CCDC201: variants seen among roughly 807,000 people sequenced by gnomAD.
CCDC201 encodes the protein coiled-coil domain-containing protein 201.
the CCDC201 span, among the ~76,000 whole-genome samples, chr7:45,878,658 C>T: frequency 2.6e-5 from 4 of 152,270 alleles, no homozygotes; most frequent in African/African-American, 4.8e-5. Context: ...GCAGCAGGGC[C>T]CTCAGCCTGG....
chr7:45,864,758 G>A (rs1352665813), intron 2 of CCDC201, among the ~76,000 whole-genome samples: 3 of 152,120 alleles, frequency 2.0e-5, no homozygotes, highest in South Asian at 2.1e-4. Flanking sequence ...CAGTAACCTC[G>A]GAAGACAGAA....
intron 1 of CCDC201, among the ~76,000 whole-genome samples, chr7:45,869,532 C>A (rs1253709841): frequency 1.3e-5 from 2 of 152,180 alleles, no homozygotes; most frequent in African/African-American, 4.8e-5. Flanking sequence ...ATGAGTTGAT[C>A]ATGACCACTT....
chr7:45,876,547 G>C (rs550575016), upstream of CCDC201, among the ~76,000 whole-genome samples: 1 of 152,312 alleles, frequency 6.6e-6, no homozygotes, highest in Non-Finnish European at 1.5e-5. Context: ...CCTCACTCTA[G>C]GGTTGCCCTG....
exon 3 of CCDC201, chr7:45,860,394 T>A (rs543779282): frequency 1.3e-5 from 2 of 152,514 alleles, no homozygotes; most frequent in African/African-American, 4.8e-5. Flanking sequence ...ATGGCTTAGC[T>A]TGGGCTCAGG....
upstream of CCDC201, among the ~76,000 whole-genome samples, chr7:45,876,753 G>A (rs753485456): frequency 5.3e-5 from 8 of 152,230 alleles, no homozygotes; most frequent in Non-Finnish European, 1.0e-4. Context: ...TGCTGTCATG[G>A]CCATCACTGG....
the CCDC201 span, among the ~76,000 whole-genome samples, chr7:45,881,130 A>G: frequency 6.6e-6 from 1 of 152,184 alleles, no homozygotes; most frequent in Non-Finnish European, 1.5e-5. Context: ...GGTAAGTGTC[A>G]TCTTCTACCA....
At chr7:45,881,393 C>G in the CCDC201 span, among the ~76,000 whole-genome samples, 1 of 152,224 alleles carries the variant, frequency 6.6e-6, no homozygotes, top group Non-Finnish European at 1.5e-5. Flanking sequence ...CCCAGAAGTG[C>G]TTTGTGAACC....
chr7:45,870,537 T>G (rs148315421), intron 1 of CCDC201, among the ~76,000 whole-genome samples: 9 of 152,270 alleles, frequency 5.9e-5, no homozygotes, highest in Non-Finnish European at 1.0e-4. Context: ...ACATCAATAT[T>G]TATATTGGAA....
intron 1 of CCDC201, among the ~76,000 whole-genome samples, chr7:45,870,107 G>A (rs1008474330): frequency 7.2e-5 from 11 of 152,214 alleles, no homozygotes; most frequent in African/African-American, 1.7e-4. Flanking sequence ...GTGAGCCACC[G>A]CAGCCAGCAG....
At chr7:45,874,303 G>A (rs1186144706), upstream of CCDC201, among the ~76,000 whole-genome samples, 1 of 152,166 alleles carries the variant, frequency 6.6e-6, no homozygotes, top group Non-Finnish European at 1.5e-5. Context: ...ACCAAGACAA[G>A]AACCCAGGAC....
exon 3 of CCDC201, chr7:45,863,078 C>G (rs1439219022): frequency 1.3e-5 from 2 of 152,348 alleles, no homozygotes; most frequent in Admixed American, 6.5e-5. Flanking sequence ...GTCCTGGCAC[C>G]AAGCACTCAG....
exon 3 of CCDC201, chr7:45,861,390 AC>A (rs1395991993): frequency 1.3e-5 from 2 of 152,242 alleles, no homozygotes; most frequent in Non-Finnish European, 2.9e-5. Flanking sequence ...AATAGCTTAT[AC>A]AGGAGGAACT....
exon 3 of CCDC201, chr7:45,862,323 A>G (rs951041627): frequency 1.3e-5 from 2 of 152,302 alleles, no homozygotes; most frequent in African/African-American, 2.4e-5. Flanking sequence ...CTTCTCAGCC[A>G]TGCAGTGTGG....
chr7:45,862,520 C>T (rs2116514521), exon 3 of CCDC201: 1 of 152,398 alleles, frequency 6.6e-6, no homozygotes, highest in Admixed American at 6.5e-5. Flanking sequence ...GAACATACAT[C>T]CCTCACCATT....
At chr7:45,861,359 A>G (rs1786598456) in exon 3 of CCDC201, 1 of 143,762 alleles carries the variant, frequency 7.0e-6, no homozygotes, top group Non-Finnish European at 1.5e-5. Flanking sequence ...AGTTATAAAA[A>G]AAGAAAAAAG....
chr7:45,866,199 G>A (rs1786670515), exon 2 of CCDC201: 1 of 174,374 alleles, frequency 5.7e-6, no homozygotes, highest in Non-Finnish European at 1.2e-5. Flanking sequence ...TGATGTGGGC[G>A]GCTCCTCCCC....
upstream of CCDC201, chr7:45,873,085 C>T (rs1392088044): frequency 6.6e-6 from 1 of 152,304 alleles, no homozygotes; most frequent in African/African-American, 2.4e-5. Context: ...CAAGAAATAC[C>T]TGCTGTGTCC....
chr7:45,867,438 C>A (rs949189547), intron 1 of CCDC201, among the ~76,000 whole-genome samples: 3 of 152,162 alleles, frequency 2.0e-5, no homozygotes, highest in African/African-American at 7.2e-5. Context: ...CAATGACATC[C>A]TAAATCAATT....
chr7:45,879,371 T>C, the CCDC201 span, among the ~76,000 whole-genome samples: 1 of 152,210 alleles, frequency 6.6e-6, no homozygotes, highest in Non-Finnish European at 1.5e-5. Context: ...GCACCAATTT[T>C]CTGCATTAGT....
Sources: gnomAD v4.1 joint callset for allele counts (sites outside exome capture counted in the v4.1 genomes callset) on GRCh38, gnomAD v4.1.1 for gene constraint, MANE v1.5 for transcripts, NCBI Gene and HGNC (gene_info 2026-07-23, HGNC 2026-07-21) for gene names.